MACIR: variants seen among roughly 807,000 people sequenced by gnomAD.
MACIR encodes UNC119-binding protein C5orf30.
A neutral mutation model predicts 14.3 loss-of-function variants in MACIR; 4 were observed. The ratio of observed to expected loss-of-function variants is 0.28; its 90% CI spans 0.14 to 0.64. The LOEUF (loss-of-function observed/expected upper bound fraction) is 0.64, where lower values mean the gene tolerates loss of function less well. Ranked by LOEUF, MACIR falls within the 30% of genes least tolerant of loss-of-function variation. The pLI is 0.83. For missense variants in MACIR, 228 were observed against 257.6 expected (o/e 0.89, Z 0.79); for synonymous variants, 101 against 102.4 (o/e 0.99, Z 0.08).
chr5:103,266,508 C>T (rs1031646158), intron 2 of MACIR, among the ~76,000 whole-genome samples: 11 of 152,088 alleles, frequency 7.2e-5, no homozygotes, highest in Non-Finnish European at 1.5e-4. Context: ...TGAATTTAAA[C>T]GGTTAAAAAT....
intron 1 of MACIR, among the ~76,000 whole-genome samples, chr5:103,264,708 T>G (rs1562547215): frequency 6.6e-6 from 1 of 152,136 alleles, no homozygotes; most frequent in East Asian, 1.9e-4. Flanking sequence ...CATGCTAGTT[T>G]CTTGGAGTGA....
At position 103,276,165 on chromosome 5, in the gene MACIR, G is replaced by A; in HGVS notation, c.246G>A (p.Glu82=). 1 of 1,613,914 alleles carries A rather than the reference G, an allele frequency of 6.2e-7. No individual in the cohort carries two copies. ...KLAQKCTGGE[E]SKAEAMPSLR... ...CTCAGAAGTGCACAGGAGGTGAAGA[G>A]AGCAAAGCAGAAGCCATGCCATCCT... The change falls in exon 3 of 3, where the codon GAG becomes GAA. Residue 82 remains glutamate (E), a synonymous_variant. Coordinates refer to ENST00000319933, the MANE Select transcript of MACIR (RefSeq NM_033211.4).
chr5:103,267,408 T>C (rs1232623133), intron 2 of MACIR, among the ~76,000 whole-genome samples: 1 of 151,476 alleles, frequency 6.6e-6, no homozygotes, highest in Non-Finnish European at 1.5e-5. Context: ...ATTTTTTGCT[T>C]TTTCAAATAT....
chr5:103,276,023 G>C lies in MACIR; in HGVS notation c.104G>C (p.Arg35Pro). ...GGAAAGGCGGAGGCAGAGAAGCCCC[G>C]CTGCTCCAGCACACCCTGCTCCCCG... is the stretch of plus-strand genomic sequence containing the variant. The part of the protein sequence containing the change: ...SPGKAEAEKP[R>P]CSSTPCSPMR... Residue 35 changes from arginine (R) to proline (P), a missense_variant, in exon 3 of 3, where the codon CGC becomes CCC. By Grantham distance (103) the Arg-to-Pro change is moderately radical. Coordinates refer to ENST00000319933, the MANE Select transcript of MACIR (RefSeq NM_033211.4). 1 of 1,614,074 alleles carries C rather than the reference G, an allele frequency of 6.2e-7. No individual in the cohort carries two copies. The highest frequency in any genetic ancestry group is 8.5e-7 in the Non-Finnish European group (1 of 1,180,030).
At chr5:103,270,416 T>C (rs1229696463) in intron 2 of MACIR, among the ~76,000 whole-genome samples, 1 of 152,142 alleles carries the variant, frequency 6.6e-6, no homozygotes, top group Non-Finnish European at 1.5e-5. Context: ...AGGAAGGATA[T>C]ACCAAAATAT....
At chr5:103,262,713 T>G (rs556145607) in intron 1 of MACIR, among the ~76,000 whole-genome samples, 1 of 152,336 alleles carries the variant, frequency 6.6e-6, no homozygotes, top group South Asian at 2.1e-4. Flanking sequence ...TTTCCTATTT[T>G]TATTGCTTAT....
chr5:103,261,670 C>CTTTCTTTCTTTCTTTCTTTCT (rs1804711287), intron 1 of MACIR, among the ~76,000 whole-genome samples: 1 of 125,040 alleles, frequency 8.0e-6, no homozygotes, highest in Non-Finnish European at 1.7e-5. Context: ...TTCTTTCTTT[C>CTTTCTTTCTTTCTTTCTTTCT]TTTCTTTCTT....
intron 2 of MACIR, among the ~76,000 whole-genome samples, chr5:103,267,651 A>T (rs1272644279): frequency 6.6e-6 from 1 of 152,204 alleles, no homozygotes; most frequent in Admixed American, 6.5e-5. Context: ...TACGGTACAA[A>T]AAAATTTAAA....
chr5:103,273,223 G>A (rs2561477), intron 2 of MACIR, among the ~76,000 whole-genome samples: 36,451 of 152,088 alleles, frequency 0.24, 5,037 homozygotes, highest in Non-Finnish European at 0.32. Context: ...AGACTGCCTG[G>A]TTGAAATTTC....
rs78113106 is a variant in MACIR, at chr5:103,268,892, G to A, written c.-24+2895G>A. Reference sequence around the variant, plus strand: ...CTATATTTCAAGGTGGATGTTCCAGGTAGGTTATGTCCAAGATGATTCTGG... The same window carrying A: ...CTATATTTCAAGGTGGATGTTCCAGATAGGTTATGTCCAAGATGATTCTGG... On this transcript the variant is annotated intron_variant, in intron 2 of 2. Coordinates refer to ENST00000319933, the MANE Select transcript of MACIR (RefSeq NM_033211.4). Among the ~76,000 whole-genome samples the A allele has an allele frequency of 5.9e-3, 893 of 152,158 alleles. 9 individuals carry two copies. Among genetic ancestry groups the A allele is most frequent in the African/African-American group, 0.021 (856 of 41,480 alleles).
At chr5:103,275,843 T>C in intron 2 of MACIR, 54 bp from the exon 3 acceptor site, 1 of 1,493,516 alleles carries the variant, frequency 6.7e-7, no homozygotes, top group Non-Finnish European at 9.0e-7. Flanking sequence ...GGACCTGGCC[T>C]GGCCCAAGTC....
chr5:103,270,753 T>G (rs1805094775), intron 2 of MACIR, among the ~76,000 whole-genome samples: 1 of 152,104 alleles, frequency 6.6e-6, no homozygotes, highest in Non-Finnish European at 1.5e-5. Context: ...AGTGAAATAA[T>G]TTTTGTTTCT....
intron 1 of MACIR, among the ~76,000 whole-genome samples, chr5:103,263,805 C>T (rs986643907): frequency 3.9e-4 from 59 of 152,010 alleles, no homozygotes; most frequent in Middle Eastern, 3.2e-3. Flanking sequence ...AGAAATAAAG[C>T]GGAAATATAT....
At chr5:103,267,793 C>T (rs1804981049) in intron 2 of MACIR, among the ~76,000 whole-genome samples, 1 of 152,058 alleles carries the variant, frequency 6.6e-6, no homozygotes, top group African/African-American at 2.4e-5. Flanking sequence ...CAAATGTATC[C>T]AGTTATGTAA....
chr5:103,272,155 T>TA (rs782523351), intron 2 of MACIR, among the ~76,000 whole-genome samples: 2 of 152,176 alleles, frequency 1.3e-5, no homozygotes, highest in Non-Finnish European at 2.9e-5. Flanking sequence ...ATAGACTTAT[T>TA]AAAAATAACA....
At chr5:103,265,556 A>G (rs950611446) in intron 1 of MACIR, among the ~76,000 whole-genome samples, 6 of 152,106 alleles carry the variant, frequency 3.9e-5, no homozygotes, top group Admixed American at 1.3e-4. Flanking sequence ...TTTTTTTTCC[A>G]TAGAGTACTG....
Position 103,275,954 on chromosome 5 carries a change from C to T in MACIR, c.35C>T (p.Thr12Ile). Residue 12 changes from threonine (T) to isoleucine (I), a missense_variant, in exon 3 of 3, where the codon ACC (threonine) becomes ATC (isoleucine). Physicochemically the swap from Thr to Ile is moderately conservative, Grantham distance 89. Transcript: ENST00000319933. ...GATATTAATGGAGAGTCTAGAAGTA[C>T]CCTGACCACCTTGCCCTTCCCTGGG... The part of the protein sequence containing the change: ...EVDINGESRS[T>I]LTTLPFPGAE... 1 of 1,613,756 alleles carries T rather than the reference C, an allele frequency of 6.2e-7. No homozygotes were observed. The highest frequency in any genetic ancestry group is 8.5e-7 in the Non-Finnish European group (1 of 1,179,994).
intron 2 of MACIR, among the ~76,000 whole-genome samples, chr5:103,270,388 T>G (rs1554237031): frequency 6.6e-6 from 1 of 152,178 alleles, no homozygotes; most frequent in African/African-American, 2.4e-5. Context: ...ACTCTTACAT[T>G]TGTAAATACG....
intron 2 of MACIR, among the ~76,000 whole-genome samples, chr5:103,273,908 G>A (rs1400810332): frequency 6.6e-6 from 1 of 152,178 alleles, no homozygotes; most frequent in Non-Finnish European, 1.5e-5. Context: ...ACCTAGACCA[G>A]AGTCTCAGAG....
Sources: gnomAD v4.1 joint callset for allele counts (sites outside exome capture counted in the v4.1 genomes callset) on GRCh38, gnomAD v4.1.1 for gene constraint, MANE v1.5 for transcripts, NCBI Gene and HGNC (gene_info 2026-07-23, HGNC 2026-07-21) for gene names.